The following POMT1 variants were observed in gnomAD, a reference collection of about 807,000 sequenced individuals.
POMT1 encodes the protein protein O-mannosyl-transferase 1.
In POMT1, 85 loss-of-function variants were observed where a neutral mutation model predicts 101.6. The observed-to-expected ratio is 0.84, with a 90% confidence interval of 0.70 to 1.00. POMT1 has a LOEUF of 1.00. POMT1 is among the 50% of genes least tolerant of loss of function. POMT1 has a pLI of 0.00. For missense variants in POMT1, 857 were observed against 930.4 expected, an observed-to-expected ratio of 0.92 and a Z score of 1.03; for synonymous variants, 371 against 383.0, an observed-to-expected ratio of 0.97 and a Z score of 0.37.
chr9:131,515,843 C>G (rs865945127), intron 13 of POMT1, among the ~76,000 whole-genome samples: 2 of 124,116 alleles, frequency 1.6e-5, no homozygotes, highest in African/African-American at 2.8e-5. Flanking sequence ...CTTCCTCACA[C>G]GGAGCACTTC....
At chr9:131,521,516 C>T in intron 18 of POMT1, 44 bp downstream of exon 18, 1 of 1,598,942 alleles carries the variant, frequency 6.3e-7, no homozygotes, top group Non-Finnish European at 8.6e-7. Context: ...TTAATATAGA[C>T]ATGGGGTCTT....
rs1286187360 is a variant in POMT1, at chr9:131,509,010, G to A, written c.527G>A (p.Cys176Tyr). 1.2e-6 allele frequency: 2 copies of A among 1,606,902 alleles called. No individual in the cohort carries two copies. Among genetic ancestry groups the A allele is most frequent in the South Asian group, 2.2e-5 (2 of 90,926 alleles). Residue 176 changes from cysteine (C) to tyrosine (Y), a missense_variant, in exon 6 of 20, where the codon TGC becomes TAC. Cys to Tyr is a radical substitution (Grantham distance 194, BLOSUM62 -2). Transcript: ENST00000402686. ...AVLSYLKFFN[C>Y]QKHSPFSLSW... ...TTGTCCTACCTGAAGTTCTTCAACT[G>A]CCAAAAGCACAGGTATGGAAAATGG...
In POMT1 at chr9:131,523,276, C is replaced by T. The variant is rs959884983; in HGVS notation, c.*170C>T. ...TCTCATTGAAAAGCTCTCTGATGAG[C>T]ACCTCCTTTTGTGCAAAGTTAATTT... is the stretch of plus-strand genomic sequence containing the variant. On this transcript the variant is annotated 3_prime_UTR_variant, in exon 20 of 20. Transcript: ENST00000402686. 5.4e-5 allele frequency: 41 copies of T among 757,068 alleles called. No homozygotes were observed. Among genetic ancestry groups the T allele is most frequent in the Non-Finnish European group, 7.3e-5 (34 of 462,812 alleles). 46.9% of individuals were successfully genotyped at this position (757,068 alleles called of 1,614,324 possible).
At position 131,511,939 on chromosome 9, in the gene POMT1, G is replaced by A. The variant is rs116150532; in HGVS notation, c.987-102G>A. Reference sequence around the variant, plus strand: ...TTGCCCAGGCTGGTCTCAAACTCCTGGGCTCAAGCAGTTATCCTACCTCAG... The same window carrying A: ...TTGCCCAGGCTGGTCTCAAACTCCTAGGCTCAAGCAGTTATCCTACCTCAG... On this transcript the variant is annotated intron_variant, in intron 10 of 19. Transcript: ENST00000402686. The A allele has an allele frequency of 0.13, 155,009 of 1,218,026 alleles. 11,100 individuals carry two copies. Among genetic ancestry groups the A allele is most frequent in the Non-Finnish European group, 0.14 (117,756 of 838,166 alleles). The allele number at this position is 1,218,026 out of a possible 1,614,324, so 75.5% of individuals were successfully genotyped here.
At chr9:131,518,652 T>C (rs1466975367) in intron 14 of POMT1, 115 bp downstream of exon 14, 3 of 1,387,606 alleles carry the variant, frequency 2.2e-6, no homozygotes, top group Non-Finnish European at 3.1e-6. Context: ...TGAGTCATCA[T>C]GGCTTCCTCT....
At position 131,520,094 on chromosome 9, in the gene POMT1, G is replaced by A. The variant is rs974156166; in HGVS notation, c.1599G>A (p.Ala533=). The A allele has an allele frequency of 1.7e-5, 27 of 1,613,512 alleles. No individual in the cohort carries two copies. Among genetic ancestry groups the A allele is most frequent in the Non-Finnish European group, 2.2e-5 (26 of 1,179,968 alleles). The part of the protein sequence containing the change: ...RFSELQWRML[A]LRSDDSEHKY... The stretch of plus-strand genomic sequence containing the variant: ...CTTTGTTCCAGTGGAGGATGCTGGC[G>A]CTGAGAAGTGATGACTCGGAACACA... Residue 533 remains alanine, a synonymous_variant, in exon 17 of 20, where the codon GCG becomes GCA. Transcript: ENST00000402686.
At chr9:131,521,568 G>A (rs1949922811) in intron 18 of POMT1, 96 bp downstream of exon 18, 18 of 1,423,868 alleles carry the variant, frequency 1.3e-5, no homozygotes, top group East Asian at 4.7e-5. Context: ...GGGCTTAAGC[G>A]ATCCTCCTGC....
chr9:131,508,811 T>C lies in POMT1; in HGVS notation c.428-100T>C. On this transcript the variant is annotated intron_variant, in intron 5 of 19. Transcript: ENST00000402686. Reference sequence around the variant, plus strand: ...CATTCACAACAGCCCCACACAGTTGTATCGCTTCTGAAGTAATGCCTTTTT... The same window carrying C: ...CATTCACAACAGCCCCACACAGTTGCATCGCTTCTGAAGTAATGCCTTTTT... 3 of 811,792 alleles carry C rather than the reference T, an allele frequency of 3.7e-6. No individual in the cohort carries two copies. The African/African-American group carries it at 5.1e-5, about 14-fold the overall frequency. 50.3% of individuals were successfully genotyped at this position (811,792 alleles called of 1,614,324 possible).
In POMT1 at chr9:131,519,043, G is replaced by T; in HGVS notation, c.1486+86G>T. ...ATAACACCCCAGAGTTCTCATTTTGGTGGGAAGGGAACTGAGCACATTCTC... is the reference window on the plus strand; with the variant it reads ...ATAACACCCCAGAGTTCTCATTTTGTTGGGAAGGGAACTGAGCACATTCTC... On this transcript the variant is annotated intron_variant, in intron 15 of 19. Coordinates refer to ENST00000402686, the MANE Select transcript of POMT1 (RefSeq NM_001077365.2). This position sits in a 1 kb window ranked among gnomAD's most constrained non-coding sequence, Gnocchi z 4.3. 1 of 1,591,120 alleles carries T rather than the reference G, an allele frequency of 6.3e-7. No homozygotes were observed. The highest frequency in any genetic ancestry group is 8.5e-7 in the Non-Finnish European group (1 of 1,172,262).
chr9:131,521,344 A>T lies in POMT1; in HGVS notation c.1699-2A>T. On this transcript the variant is annotated splice_acceptor_variant, in intron 17 of 19. Transcript: ENST00000402686. LOFTEE classifies it high-confidence loss of function. ...CTAACAGCATCTCCCATGTTCCCTTAGGCTCAGATCCACCTACTTGGAAAC... is the reference window on the plus strand; with the variant it reads ...CTAACAGCATCTCCCATGTTCCCTTTGGCTCAGATCCACCTACTTGGAAAC... The T allele has an allele frequency of 6.2e-7, 1 of 1,614,104 alleles. No homozygotes were observed.
intron 13 of POMT1, among the ~76,000 whole-genome samples, chr9:131,517,492 G>A (rs1948951821): frequency 6.6e-6 from 1 of 152,140 alleles, no homozygotes; most frequent in Non-Finnish European, 1.5e-5. Context: ...TGTCCAGGCT[G>A]GTCTTGAACT....
At chr9:131,521,537 C>T in intron 18 of POMT1, 65 bp downstream of exon 18, 1 of 1,569,938 alleles carries the variant, frequency 6.4e-7, no homozygotes, top group Non-Finnish European at 8.7e-7. Context: ...GCTGTGTTGT[C>T]CAGGGTGTTC....
Position 131,522,383 on chromosome 9 carries a change from GC to G in POMT1, c.2003+162del. 7.1e-7 allele frequency: 1 copy of G among 1,408,112 alleles called. No individual in the cohort carries two copies. The highest frequency in any genetic ancestry group is 9.5e-7 in the Non-Finnish European group (1 of 1,053,832). 87.2% of individuals were successfully genotyped at this position (1,408,112 alleles called of 1,614,324 possible). ...GGAATGGGTGAGGTTCAGAAGAGATGCCCAGATGAGGCACTGCAGGAACCCA... is the reference window on the plus strand; with the variant it reads ...GGAATGGGTGAGGTTCAGAAGAGATGCCAGATGAGGCACTGCAGGAACCCA... On this transcript the variant is annotated intron_variant, in intron 19 of 19. Coordinates refer to ENST00000402686, the MANE Select transcript of POMT1 (RefSeq NM_001077365.2). The surrounding 1 kb of genome is among the most constrained non-coding windows in gnomAD (Gnocchi z 5.5).
Position 131,519,615 on chromosome 9 carries a change from A to G in POMT1, c.1584+129A>G, listed in dbSNP as rs1949506891. The G allele has an allele frequency of 2.3e-6, 2 of 882,568 alleles. No individual in the cohort carries two copies. The highest frequency in any genetic ancestry group is 3.6e-6 in the Non-Finnish European group (2 of 554,198). 54.7% of individuals were successfully genotyped at this position (882,568 alleles called of 1,614,324 possible). On this transcript the variant is annotated intron_variant, in intron 16 of 19. Transcript: ENST00000402686. The surrounding 1 kb of genome is among the most constrained non-coding windows in gnomAD (Gnocchi z 4.3). ...GCTGGAGCTACAGGCTCACAACAGA[A>G]TGAGTGTCTCCTCTCTCCAGTGTAA...
rs117585219 is a variant in POMT1, at chr9:131,519,820, G to A, written c.1585-260G>A. ...GAAACTCACGGTCACAAATCTGAAC[G>A]TGACCTTAGAGAGCATTCAGCCCAA... On this transcript the variant is annotated intron_variant, in intron 16 of 19. Coordinates refer to ENST00000402686, the MANE Select transcript of POMT1 (RefSeq NM_001077365.2). The surrounding 1 kb of genome is among the most constrained non-coding windows in gnomAD (Gnocchi z 4.3). Among the ~76,000 whole-genome samples, 579 of 152,260 alleles carry A rather than the reference G, an allele frequency of 3.8e-3. 1 individual carries two copies. Among genetic ancestry groups the A allele is most frequent in the Middle Eastern group, 6.8e-3 (2 of 294 alleles).
chr9:131,515,336 A>G, intron 12 of POMT1, 90 bp from the exon 13 acceptor site: 1 of 1,385,918 alleles, frequency 7.2e-7, no homozygotes, highest in South Asian at 1.2e-5. Context: ...TTTGTTTCTG[A>G]AAAGCAACCT....
chr9:131,511,283 T>G, intron 9 of POMT1, 54 bp from the exon 10 acceptor site: 1 of 1,565,142 alleles, frequency 6.4e-7, no homozygotes, highest in Non-Finnish European at 8.7e-7. Context: ...AAGGCTGGCT[T>G]AGGGTCATTT....
chr9:131,513,607 G>A (rs1287352134), intron 12 of POMT1, among the ~76,000 whole-genome samples: 1 of 152,212 alleles, frequency 6.6e-6, no homozygotes, highest in Non-Finnish European at 1.5e-5. Flanking sequence ...GTGGATGAGT[G>A]TACAAGGACA....
rs746714058 is a variant in POMT1, at chr9:131,523,111, A to G, written c.*5A>G. ...ATCTTGATCCGAAAACACTAGAACA[A>G]GAGTGTGGCAAAGAACACCCGTGCT... On this transcript the variant is annotated 3_prime_UTR_variant, in exon 20 of 20. Coordinates refer to ENST00000402686, the MANE Select transcript of POMT1 (RefSeq NM_001077365.2). 8.7e-6 allele frequency: 14 copies of G among 1,610,034 alleles called. No homozygotes were observed. The highest frequency in any genetic ancestry group is 2.2e-5 in the East Asian group (1 of 44,844).
Sources: allele counts gnomAD v4.1 joint callset (sites outside exome capture counted in the v4.1 genomes callset), GRCh38; gene constraint gnomAD v4.1.1; non-coding constraint Gnocchi (gnomAD v3.1); transcripts MANE v1.5; gene names NCBI Gene and HGNC (gene_info 2026-07-23, HGNC 2026-07-21).